IPO11: variants seen among roughly 807,000 people sequenced by gnomAD.
The protein encoded by IPO11 is importin-11.
Under a neutral mutation model 143.2 loss-of-function variants are expected in IPO11, and 66 were observed. The ratio of observed to expected loss-of-function variants is 0.46; its 90% CI spans 0.38 to 0.57. IPO11 has a LOEUF of 0.57. Among genes scored for constraint, IPO11 ranks in the 20% least tolerant of loss-of-function variants. The pLI is 0.00. For missense variants in IPO11, 1,026 were observed against 1,141.0 expected, an observed-to-expected ratio of 0.90 and a Z score of 1.45; for synonymous variants, 385 against 377.8, an observed-to-expected ratio of 1.02 and a Z score of -0.22.
intron 24 of IPO11, among the ~76,000 whole-genome samples, chr5:62,545,602 A>G (rs1189029818): frequency 2.0e-5 from 3 of 152,242 alleles, no homozygotes. Context: ...GACAAATGGT[A>G]TCTAATTAAA....
At chr5:62,508,710 A>T (rs1244396111) in intron 19 of IPO11, among the ~76,000 whole-genome samples, 1 of 151,476 alleles carries the variant, frequency 6.6e-6, no homozygotes, top group Non-Finnish European at 1.5e-5. Flanking sequence ...TCATGTTGAC[A>T]GTTACATTAG....
intron 20 of IPO11, among the ~76,000 whole-genome samples, chr5:62,517,681 G>A (rs1742072877): frequency 6.6e-6 from 1 of 152,198 alleles, no homozygotes; most frequent in South Asian, 2.1e-4. Context: ...GGGATTACAG[G>A]CGTGAGCCAC....
In IPO11 at chr5:62,470,140, C is replaced by T. The variant is rs117309645; in HGVS notation, c.650-110C>T. The T allele has an allele frequency of 2.1e-4, 213 of 1,011,878 alleles. 1 individual carries two copies. The East Asian group carries it at 4.6e-3, about 22-fold the overall frequency. The allele number at this position is 1,011,878 out of a possible 1,614,324, so 62.7% of individuals were successfully genotyped here. A position where few individuals can be genotyped will look rare whatever the true frequency, so the allele number is the denominator to read the frequency against. On this transcript the variant is annotated intron_variant, in intron 6 of 29. Transcript: ENST00000325324. Reference sequence around the variant, plus strand: ...AATGACCAGGAGTTAACTTTCCAACCCAGATTAACCTCCAAGCTTGATTAA... The same window carrying T: ...AATGACCAGGAGTTAACTTTCCAACTCAGATTAACCTCCAAGCTTGATTAA...
intron 1 of IPO11, among the ~76,000 whole-genome samples, chr5:62,417,074 A>C (rs538693004): frequency 2.6e-5 from 4 of 151,496 alleles, no homozygotes; most frequent in Non-Finnish European, 4.4e-5. Context: ...TCCTTACCTT[A>C]GATTCTTAGA....
rs558758530 is a variant in IPO11 at position 62,552,448 on chromosome 5, G to A, written c.2460+1112G>A. Among the ~76,000 whole-genome samples the A allele has an allele frequency of 3.3e-5, 5 of 149,922 alleles. No individual in the cohort carries two copies. In the East Asian group the frequency reaches 7.8e-4, roughly 23 times the overall value. On this transcript the variant is annotated intron_variant, in intron 26 of 29. Transcript: ENST00000325324. The stretch of plus-strand genomic sequence containing the variant: ...TTTTATTAGCTTATTAATTTTAATT[G>A]AAATGGGGTAATATATATTTTTTAG...
At chr5:62,507,270 G>A (rs1741585371) in intron 19 of IPO11, among the ~76,000 whole-genome samples, 1 of 152,198 alleles carries the variant, frequency 6.6e-6, no homozygotes, top group Non-Finnish European at 1.5e-5. Flanking sequence ...TCCCGTGGTA[G>A]GGTTGAGTCA....
intron 15 of IPO11, among the ~76,000 whole-genome samples, chr5:62,491,636 A>G (rs1023094385): frequency 6.6e-6 from 1 of 151,530 alleles, no homozygotes; most frequent in African/African-American, 2.4e-5. Flanking sequence ...GATATTTTGG[A>G]TATATTGGGA....
chr5:62,605,883 A>G (rs1446924697), intron 29 of IPO11, among the ~76,000 whole-genome samples: 1 of 152,018 alleles, frequency 6.6e-6, no homozygotes, highest in Non-Finnish European at 1.5e-5. Context: ...CCGCATGTGC[A>G]TGCCACTACG....
intron 11 of IPO11, among the ~76,000 whole-genome samples, chr5:62,484,797 C>G (rs1473348580): frequency 1.3e-5 from 2 of 151,362 alleles, no homozygotes; most frequent in African/African-American, 2.4e-5. Flanking sequence ...TAAGAGTGCC[C>G]AAAAGTTTTT....
At position 62,483,292 on chromosome 5, in the gene IPO11, A is replaced by T; in HGVS notation, c.1020A>T (p.Glu340Asp). ...NYAYKPSKNF[E>D]DSSPETLEAH... ...CTTATAAGCCATCCAAAAATTTTGA[A>T]GGTAATTCCTTTATTGGCAGTTTAA... Residue 340 changes from glutamate (E) to aspartate (D), a missense_variant and splice_region_variant, in exon 10 of 30, where the codon GAA becomes GAT. Physicochemically the swap from Glu to Asp is conservative, Grantham distance 45 (BLOSUM62 2). Transcript: ENST00000325324. The T allele has an allele frequency of 6.5e-7, 1 of 1,528,268 alleles. No homozygotes were observed. The highest frequency in any genetic ancestry group is 1.3e-5 in the South Asian group (1 of 79,658). The allele number at this position is 1,528,268 out of a possible 1,614,324, so 94.7% of individuals were successfully genotyped here.
At chr5:62,447,694 T>C (rs915895975) in intron 3 of IPO11, among the ~76,000 whole-genome samples, 1 of 151,908 alleles carries the variant, frequency 6.6e-6, no homozygotes, top group Non-Finnish European at 1.5e-5. Flanking sequence ...CCAGTGATCC[T>C]CCCACTGCAG....
At chr5:62,469,198 TGTG>T (rs1269385368) in intron 6 of IPO11, among the ~76,000 whole-genome samples, 2 of 152,160 alleles carry the variant, frequency 1.3e-5, no homozygotes, top group African/African-American at 2.4e-5. Flanking sequence ...CTCAAGGTCT[TGTG>T]GTGAGAAAGC....
chr5:62,490,486 C>T (rs1746565435), intron 15 of IPO11, among the ~76,000 whole-genome samples: 1 of 152,040 alleles, frequency 6.6e-6, no homozygotes. Flanking sequence ...AAGAAAAAGA[C>T]AGTTCGAAAC....
chr5:62,552,063 G>A (rs1318203196), intron 26 of IPO11, among the ~76,000 whole-genome samples: 1 of 152,142 alleles, frequency 6.6e-6, no homozygotes, highest in African/African-American at 2.4e-5. Context: ...GGCAGAGCTT[G>A]CAGTGAGTGG....
chr5:62,571,722 GT>G (rs1347579837), intron 27 of IPO11, among the ~76,000 whole-genome samples: 2 of 139,292 alleles, frequency 1.4e-5, no homozygotes, highest in African/African-American at 5.4e-5. Flanking sequence ...GCCTTGCTCT[GT>G]CGCCCAGGCT....
chr5:62,553,029 G>A (rs1743442815), intron 26 of IPO11, among the ~76,000 whole-genome samples: 1 of 152,236 alleles, frequency 6.6e-6, no homozygotes, highest in East Asian at 1.9e-4. Flanking sequence ...ATCCTGCAGT[G>A]CTATATAGAA....
chr5:62,620,048 C>A (rs1431471384), intron 29 of IPO11, among the ~76,000 whole-genome samples: 1 of 151,904 alleles, frequency 6.6e-6, no homozygotes, highest in Admixed American at 6.6e-5. Flanking sequence ...ATGATCCTGT[C>A]AACAAAAAGA....
intron 27 of IPO11, among the ~76,000 whole-genome samples, chr5:62,579,228 A>C (rs1375605924): frequency 2.0e-5 from 3 of 152,100 alleles, no homozygotes; most frequent in African/African-American, 7.2e-5. Flanking sequence ...GATCATGTTA[A>C]TAATTCTAGA....
At chr5:62,476,065 G>C (rs26634) in intron 8 of IPO11, among the ~76,000 whole-genome samples, 149,504 of 152,366 alleles carry the variant, frequency 0.98, 73,366 homozygotes, top group East Asian at 1. Context: ...ACTATGCATG[G>C]AAAGATGAAT....
Sources: gnomAD v4.1 joint callset for allele counts (sites outside exome capture counted in the v4.1 genomes callset) on GRCh38, gnomAD v4.1.1 for gene constraint, MANE v1.5 for transcripts, NCBI Gene and HGNC (gene_info 2026-07-23, HGNC 2026-07-21) for gene names.